The following TCF25 variants were observed in gnomAD, a reference collection of about 807,000 sequenced individuals.
TCF25 encodes the protein ribosome quality control complex subunit TCF25.
TCF25 carries 41 observed loss-of-function variants against 83.1 expected under a neutral mutation model. The observed-to-expected ratio is 0.49, with a 90% CI of 0.38 to 0.64. TCF25 has a LOEUF of 0.64. TCF25 is among the 30% of genes least tolerant of loss of function. TCF25 has a pLI of 0.00. For synonymous variants in TCF25, 458 were observed against 365.0 expected (o/e 1.25, Z -2.90); for missense variants, 979 against 914.5 (o/e 1.07, Z -0.91).
In TCF25 at chr16:89,898,879, G is replaced by A; in HGVS notation, c.1221+7G>A. On this transcript the variant is annotated splice_region_variant and intron_variant, in intron 11 of 17. Transcript: ENST00000263346. ...CCTCTTCCAGGAGTGGGAGGTGGGTGCGAGCCTGGTGAGGCCCCGTGGAGG... is the reference window on the plus strand; with the variant it reads ...CCTCTTCCAGGAGTGGGAGGTGGGTACGAGCCTGGTGAGGCCCCGTGGAGG... 2 of 1,613,332 alleles carry A rather than the reference G, an allele frequency of 1.2e-6. No individual in the cohort carries two copies. The highest frequency in any genetic ancestry group is 1.7e-6 in the Non-Finnish European group (2 of 1,179,846).
Position 89,911,120 on chromosome 16 carries a change from G to C in TCF25, c.1913G>C (p.Arg638Pro), listed in dbSNP as rs766320685. 3.1e-6 allele frequency: 5 copies of C among 1,611,476 alleles called. No homozygotes were observed. In the African/African-American group the frequency reaches 6.7e-5, roughly 22 times the overall value. Residue 638 changes from arginine (R) to proline (P), a missense_variant, in exon 18 of 18, where the codon CGC becomes CCC. Transcript: ENST00000263346. ...GAAGGAGTGGCTGGGGGTCTGAACC[G>C]CAACCAGGGCCTGAACAGGCTGATG... ...PEEGVAGGLNRNQGLNRLMLA... is the reference protein window; with the variant it reads ...PEEGVAGGLNPNQGLNRLMLA...
chr16:89,881,582 C>T (rs1020314985), intron 1 of TCF25, among the ~76,000 whole-genome samples: 1 of 151,986 alleles, frequency 6.6e-6, no homozygotes, highest in Non-Finnish European at 1.5e-5. Flanking sequence ...GCCTGAGTAG[C>T]TGGGACTCAA....
At chr16:89,880,998 G>T (rs1415180258) in intron 1 of TCF25, among the ~76,000 whole-genome samples, 1 of 152,192 alleles carries the variant, frequency 6.6e-6, no homozygotes, top group Non-Finnish European at 1.5e-5. Context: ...ACCTCGTTTT[G>T]GTGGAGTGTC....
chr16:89,877,716 G>C (rs749856552), intron 1 of TCF25, among the ~76,000 whole-genome samples: 1 of 152,134 alleles, frequency 6.6e-6, no homozygotes, highest in Non-Finnish European at 1.5e-5. Flanking sequence ...TCTCTCAAAA[G>C]ACGAGTTGGC....
At chr16:89,876,743 G>A (rs996426602) in intron 1 of TCF25, among the ~76,000 whole-genome samples, 3 of 151,938 alleles carry the variant, frequency 2.0e-5, no homozygotes, top group African/African-American at 4.8e-5. Context: ...TGGCTAACAC[G>A]GTGAAACCCC....
In TCF25 at chr16:89,900,801, G is replaced by T; in HGVS notation, c.1381+7G>T. The T allele has an allele frequency of 6.4e-7, 1 of 1,566,318 alleles. No homozygotes were observed. The highest frequency in any genetic ancestry group is 1.7e-4 in the Middle Eastern group (1 of 5,838). Reference sequence around the variant, plus strand: ...CTCACCATGTTCCCTGGAGGTGAGTGAGCGCTGTGTCTCGCCTGGGGTAGG... The same window carrying T: ...CTCACCATGTTCCCTGGAGGTGAGTTAGCGCTGTGTCTCGCCTGGGGTAGG... On this transcript the variant is annotated splice_region_variant and intron_variant, in intron 12 of 17. Transcript: ENST00000263346.
At chr16:89,886,963 CAAG>C (rs2043063529) in intron 4 of TCF25, among the ~76,000 whole-genome samples, 1 of 152,052 alleles carries the variant, frequency 6.6e-6, no homozygotes, top group Non-Finnish European at 1.5e-5. Context: ...GAAATAGGAA[CAAG>C]GAGGAAAGGA....
chr16:89,902,623 A>G (rs1225122856), intron 12 of TCF25, among the ~76,000 whole-genome samples: 1 of 146,822 alleles, frequency 6.8e-6, no homozygotes, highest in African/African-American at 2.5e-5. Context: ...CAGGAGGCAG[A>G]GCTTGCAGTG....
chr16:89,884,961 G>A (rs1396872518), intron 3 of TCF25, among the ~76,000 whole-genome samples: 3 of 77,416 alleles, frequency 3.9e-5, no homozygotes, highest in Admixed American at 1.3e-4. Flanking sequence ...TCTGCCTGAC[G>A]CCCCTCTCCC....
At chr16:89,877,855 C>T in intron 1 of TCF25, among the ~76,000 whole-genome samples, 1 of 152,202 alleles carries the variant, frequency 6.6e-6, no homozygotes, top group Admixed American at 6.5e-5. Flanking sequence ...GAACTTCTTG[C>T]TAATAAATTT....
intron 3 of TCF25, among the ~76,000 whole-genome samples, chr16:89,885,063 G>A (rs556379913): frequency 1.2e-5 from 1 of 84,828 alleles, no homozygotes; most frequent in East Asian, 3.3e-4. Flanking sequence ...TCTGCCTGAC[G>A]CCCTCTCCCT....
chr16:89,910,738 C>A, intron 17 of TCF25, 75 bp downstream of exon 17: 1 of 1,480,620 alleles, frequency 6.8e-7, no homozygotes. Context: ...ATGCCTGGAG[C>A]CTCCTTGAAC....
At chr16:89,878,433 CATTTT>C in intron 1 of TCF25, 2 of 862,016 alleles carry the variant, frequency 2.3e-6, no homozygotes, top group Non-Finnish European at 3.1e-6. Context: ...TAAAAATCAC[CATTTT>C]TTTTTTTTTT....
At chr16:89,891,030 C>T (rs1223493115) in intron 5 of TCF25, among the ~76,000 whole-genome samples, 1 of 152,146 alleles carries the variant, frequency 6.6e-6, no homozygotes, top group Non-Finnish European at 1.5e-5. Flanking sequence ...GCACTGCTTT[C>T]TCTTGGGTCC....
chr16:89,881,136 CAT>C (rs1042385740), intron 1 of TCF25, among the ~76,000 whole-genome samples: 12 of 152,188 alleles, frequency 7.9e-5, no homozygotes, highest in African/African-American at 2.9e-4. Context: ...GTATCCTTGT[CAT>C]GTGGGAGCCT....
At chr16:89,904,558 T>C in intron 13 of TCF25, 1 of 486,212 alleles carries the variant, frequency 2.1e-6, no homozygotes, top group Non-Finnish European at 3.8e-6. Flanking sequence ...CCAGCCTGGG[T>C]GATGGTGAGA....
chr16:89,901,362 C>T (rs143705313), intron 12 of TCF25, among the ~76,000 whole-genome samples: 105 of 152,304 alleles, frequency 6.9e-4, no homozygotes, highest in African/African-American at 2.4e-3. Flanking sequence ...GGGCCTCCTC[C>T]GAGGAGCTGT....
Position 89,909,074 on chromosome 16 carries a change from T to A in TCF25, c.1800-1517T>A, listed in dbSNP as rs558402848. 6 of 1,289,550 alleles carry A rather than the reference T, an allele frequency of 4.7e-6. No homozygotes were observed. In the African/African-American group the frequency reaches 9.1e-5, roughly 20 times the overall value. 79.9% of individuals were successfully genotyped at this position (1,289,550 alleles called of 1,614,324 possible). ...ATGTACAAGCGCTTGCGTGTCGGCCTCTGTGGCAGGTGCGAGTGACACAGT... is the reference window on the plus strand; with the variant it reads ...ATGTACAAGCGCTTGCGTGTCGGCCACTGTGGCAGGTGCGAGTGACACAGT... On this transcript the variant is annotated intron_variant, in intron 16 of 17. Transcript: ENST00000263346.
intron 9 of TCF25, among the ~76,000 whole-genome samples, chr16:89,897,168 G>A (rs973697856): frequency 6.6e-6 from 1 of 152,252 alleles, no homozygotes; most frequent in Non-Finnish European, 1.5e-5. Flanking sequence ...AGGCTTTGCA[G>A]GTTTGACCTT....
Sources: allele counts gnomAD v4.1 joint callset (sites outside exome capture counted in the v4.1 genomes callset), GRCh38; gene constraint gnomAD v4.1.1; transcripts MANE v1.5; gene names NCBI Gene and HGNC (gene_info 2026-07-23, HGNC 2026-07-21).